MYO1H: variants seen among roughly 807,000 people sequenced by gnomAD.
MYO1H encodes the protein unconventional myosin-Ih.
Under a neutral mutation model 149.3 loss-of-function variants are expected in MYO1H, and 118 were observed. That is an observed-to-expected ratio of 0.79 (90% CI 0.68 to 0.92). MYO1H has a LOEUF of 0.92. MYO1H is among the 40% of genes least tolerant of loss of function. The probability of loss-of-function intolerance (pLI) is 0.00; values close to 1 mark genes in which losing one functional copy is unlikely to be tolerated. For synonymous variants in MYO1H, 447 were observed against 465.2 expected, an observed-to-expected ratio of 0.96 and a Z score of 0.50; for missense variants, 1,212 against 1,280.7, an observed-to-expected ratio of 0.95 and a Z score of 0.82.
At position 109,432,286 on chromosome 12, in the gene MYO1H, G is replaced by C. The variant is rs146007990; in HGVS notation, c.1950-611G>C. Among the ~76,000 whole-genome samples, 15 of 152,150 alleles carry C rather than the reference G, an allele frequency of 9.9e-5. No homozygotes were observed. The East Asian group carries it at 2.7e-3, about 28-fold the overall frequency. On this transcript the variant is annotated intron_variant, in intron 19 of 31. Transcript: ENST00000310903. Reference sequence around the variant, plus strand: ...CCCAAAGTGCTGGGATTACAGGCTTGAGCCCCTGCGCCTGGCCTTTTTTTA... The same window carrying C: ...CCCAAAGTGCTGGGATTACAGGCTTCAGCCCCTGCGCCTGGCCTTTTTTTA...
exon 29 of MYO1H, chr12:109,444,267 A>T: frequency 6.2e-7 from 1 of 1,613,864 alleles, no homozygotes; most frequent in Non-Finnish European, 8.5e-7. Context: ...GTTTCACCAG[A>T]GGACAGCAAG....
exon 20 of MYO1H, chr12:109,432,910 T>A (rs1240547101): frequency 6.8e-6 from 11 of 1,613,888 alleles, no homozygotes; most frequent in Non-Finnish European, 8.5e-6. Context: ...CAAGTCCTTA[T>A]GCCCAGACAC....
At chr12:109,359,128 A>C (rs1377586906) in intron 1 of MYO1H, 1 of 152,076 alleles carries the variant, frequency 6.6e-6, no homozygotes, top group Non-Finnish European at 1.5e-5. Context: ...CCCGCTCACT[A>C]ACCTAACCGT....
rs538076415 is a variant in MYO1H at position 109,379,527 on chromosome 12, G to A, written c.13-9156G>A. 2.6e-5 allele frequency among the ~76,000 whole-genome samples: 4 copies of A among 152,056 alleles called. No homozygotes were observed. The East Asian group carries it at 5.8e-4, about 22-fold the overall frequency. ...GATTGTTTTAGTAAACTGCAATATAGTAAGCACAAATAGTGAAATACTTTG... is the reference window on the plus strand; with the variant it reads ...GATTGTTTTAGTAAACTGCAATATAATAAGCACAAATAGTGAAATACTTTG... On this transcript the variant is annotated intron_variant, in intron 1 of 31. Coordinates refer to ENST00000310903, the Ensembl canonical transcript of MYO1H.
intron 1 of MYO1H, among the ~76,000 whole-genome samples, chr12:109,367,799 G>A (rs576709239): frequency 1.2e-4 from 18 of 152,160 alleles, no homozygotes; most frequent in East Asian, 1.9e-4. Context: ...TGATCCGCTC[G>A]CCTCCGCCTC....
At chr12:109,446,420 G>A in intron 31 of MYO1H, 5 of 985,396 alleles carry the variant, frequency 5.1e-6, no homozygotes, top group Non-Finnish European at 6.0e-6. Context: ...AATGGTCTGT[G>A]AACATGGAGT....
chr12:109,405,860 G>A, intron 7 of MYO1H, 62 bp from the exon 8 acceptor site: 3 of 1,171,480 alleles, frequency 2.6e-6, no homozygotes, highest in Admixed American at 3.6e-5. Context: ...TATCAATTAG[G>A]CGGCCACCGT....
At chr12:109,319,681 A>C in the MYO1H span, among the ~76,000 whole-genome samples, 1 of 152,200 alleles carries the variant, frequency 6.6e-6, no homozygotes, top group Admixed American at 6.5e-5. Flanking sequence ...CAAAGTTCTC[A>C]GTCTTGGTGT....
chr12:109,439,716 T>G, exon 24 of MYO1H: 1 of 1,613,946 alleles, frequency 6.2e-7, no homozygotes, highest in Non-Finnish European at 8.5e-7. Context: ...GAATTACATC[T>G]TGAATCTCCG....
intron 1 of MYO1H, among the ~76,000 whole-genome samples, chr12:109,361,325 C>G (rs1868741763): frequency 6.6e-6 from 1 of 152,172 alleles, no homozygotes; most frequent in African/African-American, 2.4e-5. Flanking sequence ...ACCTCCTCCA[C>G]TTAACTCCCT....
chr12:109,358,832 G>A (rs12227736), intron 1 of MYO1H, among the ~76,000 whole-genome samples: 48,762 of 118,390 alleles, frequency 0.41, 9,813 homozygotes, highest in Admixed American at 0.52. Flanking sequence ...TCTGGGGGAA[G>A]CATCCTGTGG....
At chr12:109,317,351 TC>T in the MYO1H span, among the ~76,000 whole-genome samples, 1 of 152,212 alleles carries the variant, frequency 6.6e-6, no homozygotes, top group Admixed American at 6.5e-5. Context: ...AGAAACAGTG[TC>T]TCATTACCCA....
the MYO1H span, among the ~76,000 whole-genome samples, chr12:109,312,609 T>C: frequency 1.3e-5 from 2 of 152,150 alleles, no homozygotes; most frequent in Non-Finnish European, 2.9e-5. Flanking sequence ...TTTGCTTTGC[T>C]TATTGGTCTA....
chr12:109,443,152 ATGTGTGTG>A lies in MYO1H; in HGVS notation c.2689-360_2689-353del, dbSNP rs146572057. 8.9e-5 allele frequency among the ~76,000 whole-genome samples: 10 copies of A among 112,856 alleles called. 1 individual carries two copies. The highest frequency in any genetic ancestry group is 2.2e-4 in the African/African-American group (5 of 23,002). 74.0% of individuals were successfully genotyped at this position (112,856 alleles called of 152,430 possible). On this transcript the variant is annotated intron_variant, in intron 27 of 31. Coordinates refer to ENST00000310903, the Ensembl canonical transcript of MYO1H. ...TATATATGTGTGTATATGTGTACGT[ATGTGTGTG>A]TATATGTGTACGTATGTGTGTATAT...
chr12:109,421,277 G>A (rs188793953), intron 16 of MYO1H, among the ~76,000 whole-genome samples: 1 of 103,904 alleles, frequency 9.6e-6, no homozygotes, highest in Non-Finnish European at 2.0e-5. Context: ...ATGGAGCTCC[G>A]AACAAGATGG....
At chr12:109,355,180 C>G (rs1472898725) in intron 1 of MYO1H, among the ~76,000 whole-genome samples, 1 of 152,012 alleles carries the variant, frequency 6.6e-6, no homozygotes, top group Non-Finnish European at 1.5e-5. Context: ...CTTTTCTACC[C>G]CACAGTGTTT....
At chr12:109,426,167 T>C (rs1483962641) in intron 18 of MYO1H, 116 bp downstream of exon 18, 1 of 721,050 alleles carries the variant, frequency 1.4e-6, no homozygotes, top group African/African-American at 1.8e-5. Flanking sequence ...GTCCTCTGGA[T>C]GTGAATCATT....
intron 6 of MYO1H, among the ~76,000 whole-genome samples, chr12:109,401,963 C>T (rs1870187295): frequency 6.6e-6 from 1 of 152,110 alleles, no homozygotes; most frequent in Non-Finnish European, 1.5e-5. Flanking sequence ...TGGTCTCAAA[C>T]TCCTGAGCTA....
rs145345327 is a variant in MYO1H, at chr12:109,351,922, G to A, written c.12+3950G>A. Among the ~76,000 whole-genome samples the A allele has an allele frequency of 2.9e-3, 446 of 152,260 alleles. 1 individual carries two copies. The highest frequency in any genetic ancestry group is 5.0e-3 in the Non-Finnish European group (339 of 68,018). ...GAGATGCTGCTTCAAATTACTGCAT[G>A]CTTTTACTCATCGCTGTCATATGTA... On this transcript the variant is annotated intron_variant, in intron 1 of 31. Coordinates refer to ENST00000310903, the Ensembl canonical transcript of MYO1H.
Sources: gnomAD v4.1 joint callset for allele counts (sites outside exome capture counted in the v4.1 genomes callset) on GRCh38, gnomAD v4.1.1 for gene constraint, MANE v1.5 for transcripts, NCBI Gene and HGNC (gene_info 2026-07-23, HGNC 2026-07-21) for gene names.